The following DDX42 variants were observed in gnomAD, a reference collection of about 807,000 sequenced individuals.
DDX42 encodes the protein ATP-dependent RNA helicase DDX42.
In DDX42, 22 loss-of-function variants were observed where a neutral mutation model predicts 101.5. The observed-to-expected ratio is 0.22, with a 90% CI of 0.15 to 0.31. The LOEUF (loss-of-function observed/expected upper bound fraction) is 0.31. Ranked by LOEUF, DDX42 falls within the 10% of genes least tolerant of loss-of-function variation. The probability of loss-of-function intolerance (pLI) is 1.00; values close to 1 mark genes in which losing one functional copy is unlikely to be tolerated. For missense variants in DDX42, 849 were observed against 1,199.9 expected, an observed-to-expected ratio of 0.71 and a Z score of 4.32; for synonymous variants, 402 against 401.2, an observed-to-expected ratio of 1.00 and a Z score of -0.02.
intron 1 of DDX42, among the ~76,000 whole-genome samples, chr17:63,777,282 G>GT (rs2039432014): frequency 6.6e-6 from 1 of 152,082 alleles, no homozygotes; most frequent in African/African-American, 2.4e-5. Context: ...CTTCAGCCTA[G>GT]TTGTAGATCT....
intron 5 of DDX42, among the ~76,000 whole-genome samples, chr17:63,799,941 T>A (rs1194427138): frequency 6.6e-6 from 1 of 152,240 alleles, no homozygotes; most frequent in African/African-American, 2.4e-5. Context: ...GTGGGATCTA[T>A]TGATGGCCTC....
chr17:63,774,225 C>CGGCGGCGGTGGTGGTGGT lies in DDX42; in HGVS notation c.-159_-142dup, dbSNP rs1364427061. On this transcript the variant is annotated 5_prime_UTR_variant, in exon 1 of 18. Coordinates refer to ENST00000389924, the MANE Select transcript of DDX42 (RefSeq NM_203499.3). ...GAGGCGGTGGCGGTGGTGGCGGTGG[C>CGGCGGCGGTGGTGGTGGT]GGCGGCGGTGGTGGTGGTGGCGGCG... 3 of 164,730 alleles carry CGGCGGCGGTGGTGGTGGT rather than the reference C, an allele frequency of 1.8e-5. No individual in the cohort carries two copies. The highest frequency in any genetic ancestry group is 1.8e-4 in the East Asian group (2 of 11,330). 10.2% of individuals were successfully genotyped at this position (164,730 alleles called of 1,614,324 possible).
rs986428804 is a variant in DDX42 at position 63,806,707 on chromosome 17, T to C, written c.846+53T>C. ...AAAGTAGGGTAGTCTTTCATGACTA[T>C]ATTAATTTAAAAACAAATCACAGCA... On this transcript the variant is annotated intron_variant, in intron 8 of 17. Transcript: ENST00000389924. The C allele has an allele frequency of 7.8e-6, 12 of 1,540,318 alleles. No individual in the cohort carries two copies. The African/African-American group carries it at 1.7e-4, about 21-fold the overall frequency.
intron 13 of DDX42, chr17:63,811,494 G>A (rs533529478): frequency 1.0e-3 from 379 of 361,702 alleles, no homozygotes; most frequent in African/African-American, 7.1e-3. Flanking sequence ...AAGCATCAGC[G>A]TATTAGGTTG....
Position 63,817,681 on chromosome 17 carries a change from C to T in DDX42, c.2113-13C>T, listed in dbSNP as rs780084036. ...GCTATCTTACCTACTCCTGATGTCT[C>T]TTTCTCTTTCAGTCACAGTACAAGA... On this transcript the variant is annotated splice_polypyrimidine_tract_variant and intron_variant, in intron 17 of 17. Coordinates refer to ENST00000389924, the MANE Select transcript of DDX42 (RefSeq NM_203499.3). 2 of 1,610,068 alleles carry T rather than the reference C, an allele frequency of 1.2e-6. No homozygotes were observed. Among genetic ancestry groups the T allele is most frequent in the South Asian group, 1.1e-5 (1 of 90,930 alleles).
intron 6 of DDX42, among the ~76,000 whole-genome samples, chr17:63,802,261 C>T (rs1308234655): frequency 6.6e-6 from 1 of 152,184 alleles, no homozygotes; most frequent in Non-Finnish European, 1.5e-5. Context: ...CCTTGAGCTA[C>T]ATGTCTTTTT....
chr17:63,798,244 TAAGAA>T, intron 4 of DDX42, 145 bp downstream of exon 4: 1 of 666,364 alleles, frequency 1.5e-6, no homozygotes, highest in Non-Finnish European at 2.5e-6. Flanking sequence ...TTGAATACTT[TAAGAA>T]TAGAGATGGC....
chr17:63,811,844 A>T (rs1364207183), intron 13 of DDX42, 88 bp from the exon 14 acceptor site: 1 of 1,486,732 alleles, frequency 6.7e-7, no homozygotes, highest in African/African-American at 2.5e-5. Flanking sequence ...GGTCTTCTCG[A>T]TGCAGGTAGA....
intron 6 of DDX42, among the ~76,000 whole-genome samples, chr17:63,802,210 T>C (rs1294879692): frequency 2.0e-5 from 3 of 152,200 alleles, no homozygotes; most frequent in Non-Finnish European, 4.4e-5. Flanking sequence ...CCAGTTTCAC[T>C]CAAGAATGCC....
At chr17:63,790,362 C>T (rs1216471464) in intron 2 of DDX42, among the ~76,000 whole-genome samples, 4 of 152,106 alleles carry the variant, frequency 2.6e-5, no homozygotes, top group Non-Finnish European at 4.4e-5. Flanking sequence ...CAATCGCTCA[C>T]GTCTGTAATC....
chr17:63,786,269 A>G (rs2039546266), intron 1 of DDX42, among the ~76,000 whole-genome samples: 1 of 152,156 alleles, frequency 6.6e-6, no homozygotes, highest in Non-Finnish European at 1.5e-5. Flanking sequence ...ACAGGATTTC[A>G]CTATGTTGCC....
At chr17:63,788,345 C>T (rs535822429) in intron 2 of DDX42, among the ~76,000 whole-genome samples, 50 of 142,454 alleles carry the variant, frequency 3.5e-4, no homozygotes, top group Non-Finnish European at 6.3e-4. Flanking sequence ...GAGTCTCTCT[C>T]ACCCAGGCTG....
At chr17:63,790,186 T>G (rs1000066153) in intron 2 of DDX42, among the ~76,000 whole-genome samples, 1 of 152,154 alleles carries the variant, frequency 6.6e-6, no homozygotes, top group Non-Finnish European at 1.5e-5. Flanking sequence ...ACTATATGAA[T>G]GAATATGCAT....
intron 1 of DDX42, among the ~76,000 whole-genome samples, chr17:63,777,636 G>C (rs1021720286): frequency 6.6e-6 from 1 of 151,920 alleles, no homozygotes; most frequent in Non-Finnish European, 1.5e-5. Flanking sequence ...CTTTAATAGA[G>C]ATGGGGTTTC....
intron 3 of DDX42, among the ~76,000 whole-genome samples, chr17:63,796,605 C>T (rs911692827): frequency 1.1e-4 from 16 of 152,174 alleles, no homozygotes; most frequent in African/African-American, 3.9e-4. Flanking sequence ...CGTGAGCCAC[C>T]GCACCCGGCC....
intron 6 of DDX42, among the ~76,000 whole-genome samples, chr17:63,801,474 C>T (rs1816993328): frequency 6.6e-6 from 1 of 152,196 alleles, no homozygotes; most frequent in Admixed American, 6.5e-5. Context: ...TCACTTCAGC[C>T]TCCTGAGTAG....
chr17:63,781,418 C>T (rs1282052249), intron 1 of DDX42, among the ~76,000 whole-genome samples: 4 of 151,924 alleles, frequency 2.6e-5, no homozygotes, highest in Admixed American at 6.6e-5. Flanking sequence ...GGGGTTTCAC[C>T]GTGTTAGCCA....
chr17:63,810,690 A>G (rs150384772), intron 12 of DDX42, 130 bp downstream of exon 12: 4 of 886,908 alleles, frequency 4.5e-6, no homozygotes, highest in East Asian at 2.6e-5. Flanking sequence ...TAAGGGAGGT[A>G]ATGAGTTTAT....
At chr17:63,784,710 G>A (rs1257491676) in intron 1 of DDX42, among the ~76,000 whole-genome samples, 1 of 151,908 alleles carries the variant, frequency 6.6e-6, no homozygotes, top group African/African-American at 2.4e-5. Flanking sequence ...GGAGTTCATG[G>A]CTGCAGTGAG....
Sources: gnomAD v4.1 joint callset for allele counts (sites outside exome capture counted in the v4.1 genomes callset) on GRCh38, gnomAD v4.1.1 for gene constraint, MANE v1.5 for transcripts, NCBI Gene and HGNC (gene_info 2026-07-23, HGNC 2026-07-21) for gene names.